The following SLC45A4 variants were observed in gnomAD, a reference collection of about 807,000 sequenced individuals.
SLC45A4 encodes polyamine-transporter SLC45A4.
In SLC45A4, 32 loss-of-function variants were observed where a neutral mutation model predicts 63.7. The ratio of observed to expected loss-of-function variants is 0.50; its 90% CI spans 0.38 to 0.67. The LOEUF is 0.67. Among genes scored for constraint, SLC45A4 ranks in the 30% least tolerant of loss-of-function variants. The pLI is 0.00. For missense variants in SLC45A4, 1,027 were observed against 1,157.7 expected, an observed-to-expected ratio of 0.89 and a Z score of 1.64; for synonymous variants, 535 against 510.0, an observed-to-expected ratio of 1.05 and a Z score of -0.66.
At chr8:141,228,322 G>A (rs1479771943) in intron 2 of SLC45A4, 3 of 1,602,262 alleles carry the variant, frequency 1.9e-6, no homozygotes, top group East Asian at 4.5e-5. Flanking sequence ...CTCCCAGGGG[G>A]CCACTGTTTC....
At chr8:141,213,172 A>C (rs1216583755) in intron 7 of SLC45A4, among the ~76,000 whole-genome samples, 2 of 149,482 alleles carry the variant, frequency 1.3e-5, no homozygotes, top group Non-Finnish European at 1.5e-5. Context: ...TGCCATAATC[A>C]CAGTGAGAGA....
chr8:141,250,172 C>T (rs941486299), intron 2 of SLC45A4, among the ~76,000 whole-genome samples: 1 of 152,232 alleles, frequency 6.6e-6, no homozygotes, highest in Admixed American at 6.5e-5. Flanking sequence ...TAGTAAAGTA[C>T]ATACGCAGAC....
At chr8:141,261,691 G>A (rs1829042876) in intron 1 of SLC45A4, among the ~76,000 whole-genome samples, 2 of 151,892 alleles carry the variant, frequency 1.3e-5, no homozygotes, top group African/African-American at 4.8e-5. Context: ...TCTTCAAGGA[G>A]AACTACAAAC....
At chr8:141,241,515 A>G (rs1258067505) in intron 2 of SLC45A4, among the ~76,000 whole-genome samples, 3 of 152,210 alleles carry the variant, frequency 2.0e-5, no homozygotes, top group Non-Finnish European at 4.4e-5. Flanking sequence ...CCATTTAAGA[A>G]AGTAGAATTC....
rs547280079 is a variant in SLC45A4 at position 141,218,690 on chromosome 8, G to A, written c.950C>T (p.Ala317Val). 3.0e-5 allele frequency: 49 copies of A among 1,612,602 alleles called. No homozygotes were observed. Among genetic ancestry groups the A allele is most frequent in the African/African-American group, 1.7e-4 (13 of 74,906 alleles). The stretch of plus-strand genomic sequence containing the variant: ...CAGCAGCTCGGGCTCCAGGTCCAGC[G>A]CGGTGTCCGGCACGTGCAATGCCGA... ...SDSALHVPDT[A>V]LDLEPELLFL... The change falls in exon 5 of 9, where the codon GCG becomes GTG. Residue 317 changes from alanine to valine, a missense_variant. Coordinates refer to ENST00000517878, the MANE Select transcript of SLC45A4 (RefSeq NM_001286646.2).
chr8:141,228,076 T>C (rs1463681416), intron 2 of SLC45A4: 1 of 1,394,252 alleles, frequency 7.2e-7, no homozygotes, highest in Non-Finnish European at 1.0e-6. Context: ...GGGAGAGCTG[T>C]GTGGAGTGGA....
chr8:141,270,145 C>T (rs1053331125), intron 1 of SLC45A4, among the ~76,000 whole-genome samples: 1 of 152,084 alleles, frequency 6.6e-6, no homozygotes, highest in Non-Finnish European at 1.5e-5. Context: ...CCAGCACACA[C>T]GCAGCGCAGG....
chr8:141,217,778 C>T (rs928705440), intron 5 of SLC45A4, among the ~76,000 whole-genome samples: 12 of 152,236 alleles, frequency 7.9e-5, no homozygotes, highest in African/African-American at 2.4e-4. Flanking sequence ...GACTGCTCAC[C>T]GCGGGCCTCA....
Position 141,215,834 on chromosome 8 carries a change from G to A in SLC45A4, c.1866C>T (p.Ser622=), listed in dbSNP as rs922156069. ...TGCTCATGGAGACGATGCCCATGGT[G>A]CTGATGGTGACCATGGCGACGTAGA... ...PNVYVAMVTI[S]TMGIVSMSIS... The change falls in exon 7 of 9, where the codon AGC becomes AGT. Residue 622 remains serine, a synonymous_variant. Transcript: ENST00000517878. The surrounding 1 kb of genome is among the most constrained non-coding windows in gnomAD (Gnocchi z 4.3). The A allele has an allele frequency of 6.2e-7, 1 of 1,614,154 alleles. No homozygotes were observed. Among genetic ancestry groups the A allele is most frequent in the Non-Finnish European group, 8.5e-7 (1 of 1,180,028 alleles).
rs1569558851 is a variant in SLC45A4, at chr8:141,254,696, C to T, written c.-400-67G>A. 1.4e-6 allele frequency: 1 copy of T among 693,292 alleles called. No individual in the cohort carries two copies. The highest frequency in any genetic ancestry group is 2.0e-5 in the Admixed American group (1 of 49,646). 42.9% of individuals were successfully genotyped at this position (693,292 alleles called of 1,614,324 possible). ...GGCCACCAGATGGCCCTGTGGACCG[C>T]CGCCCGACCCCCGAGCAAGCCGTGT... On this transcript the variant is annotated intron_variant, in intron 1 of 8. Transcript: ENST00000517878. The surrounding 1 kb of genome is among the most constrained non-coding windows in gnomAD (Gnocchi z 4.5).
chr8:141,290,317 C>G (rs564810559), intron 1 of SLC45A4, among the ~76,000 whole-genome samples: 6 of 152,030 alleles, frequency 3.9e-5, no homozygotes, highest in Admixed American at 3.9e-4. Context: ...CCCCAAGTGC[C>G]GCAGCTCCAA....
intron 1 of SLC45A4, among the ~76,000 whole-genome samples, chr8:141,274,576 CA>C (rs1829661739): frequency 6.6e-6 from 1 of 150,804 alleles, no homozygotes; most frequent in African/African-American, 2.4e-5. Context: ...GGTGAATGAC[CA>C]AAACTTACAT....
intron 2 of SLC45A4, among the ~76,000 whole-genome samples, chr8:141,245,702 C>T (rs1270171838): frequency 6.6e-6 from 1 of 152,190 alleles, no homozygotes; most frequent in African/African-American, 2.4e-5. Context: ...TGTCCCAACC[C>T]CAGACCAGCC....
At chr8:141,301,940 T>G (rs1183954141) in intron 1 of SLC45A4, among the ~76,000 whole-genome samples, 1 of 151,498 alleles carries the variant, frequency 6.6e-6, no homozygotes, top group African/African-American at 2.4e-5. Flanking sequence ...CCAGCCTGGG[T>G]GACAGAGGGA....
At chr8:141,217,508 G>A (rs959375405) in intron 5 of SLC45A4, among the ~76,000 whole-genome samples, 3 of 152,326 alleles carry the variant, frequency 2.0e-5, no homozygotes, top group Admixed American at 6.5e-5. Flanking sequence ...TGGCCCTCTC[G>A]GAGCCACTGC....
chr8:141,276,664 A>G (rs1021255833), intron 1 of SLC45A4, among the ~76,000 whole-genome samples: 1 of 152,166 alleles, frequency 6.6e-6, no homozygotes, highest in Non-Finnish European at 1.5e-5. Context: ...ACAGGTATCC[A>G]TGAGTCAGCC....
intron 2 of SLC45A4, among the ~76,000 whole-genome samples, chr8:141,232,147 C>T (rs532704588): frequency 6.6e-6 from 1 of 152,350 alleles, no homozygotes; most frequent in South Asian, 2.1e-4. Context: ...TATCATCTGC[C>T]TAAGCTCATA....
rs1458750699 is a variant in SLC45A4 at position 141,220,575 on chromosome 8, C to A, written c.431-746G>T. Among the ~76,000 whole-genome samples the A allele has an allele frequency of 3.9e-5, 6 of 152,342 alleles. No homozygotes were observed. In the South Asian group the frequency reaches 1.2e-3, roughly 32 times the overall value. ...CTTCCCACCAGGGAGACAAGCAGTG[C>A]CCTCCTGACAAGATTAGAGGAATTG... is the stretch of plus-strand genomic sequence containing the variant. On this transcript the variant is annotated intron_variant, in intron 3 of 8. Transcript: ENST00000517878.
rs1348760613 is a variant in SLC45A4 at position 141,215,004 on chromosome 8, C to T, written c.1941+755G>A. Reference sequence around the variant, plus strand: ...CAGTGCTACCTGTGACGGCCCCAACCTGGAAGCACCCAAAGGCTCACAAAG... The same window carrying T: ...CAGTGCTACCTGTGACGGCCCCAACTTGGAAGCACCCAAAGGCTCACAAAG... On this transcript the variant is annotated intron_variant, in intron 7 of 8. Coordinates refer to ENST00000517878, the MANE Select transcript of SLC45A4 (RefSeq NM_001286646.2). This position sits in a 1 kb window ranked among gnomAD's most constrained non-coding sequence, Gnocchi z 4.3. 2.6e-5 allele frequency among the ~76,000 whole-genome samples: 4 copies of T among 152,362 alleles called. No homozygotes were observed. Among genetic ancestry groups the T allele is most frequent in the African/African-American group, 9.6e-5 (4 of 41,588 alleles).
Sources: allele counts gnomAD v4.1 joint callset (sites outside exome capture counted in the v4.1 genomes callset), GRCh38; gene constraint gnomAD v4.1.1; non-coding constraint Gnocchi (gnomAD v3.1); transcripts MANE v1.5; gene names NCBI Gene and HGNC (gene_info 2026-07-23, HGNC 2026-07-21).